The following PDE11A variants were observed in gnomAD, a reference collection of about 807,000 sequenced individuals.
PDE11A encodes dual 3',5'-cyclic-AMP and -GMP phosphodiesterase 11A.
In PDE11A, 100 loss-of-function variants were observed where a neutral mutation model predicts 100.5. The ratio of observed to expected loss-of-function variants is 1.00; its 90% CI spans 0.85 to 1.18. PDE11A has a LOEUF of 1.18. PDE11A is among the 50% of genes most tolerant of loss of function. PDE11A has a pLI of 0.00. For synonymous variants in PDE11A, 381 were observed against 420.8 expected (o/e 0.91, Z 1.16); for missense variants, 1,141 against 1,152.6 (o/e 0.99, Z 0.15).
chr2:177,756,282 G>A (rs893374732), intron 10 of PDE11A, among the ~76,000 whole-genome samples: 5 of 152,176 alleles, frequency 3.3e-5, no homozygotes, highest in African/African-American at 1.2e-4. Flanking sequence ...GAGAACCGGA[G>A]TAAAGCTGTT....
Position 177,820,254 on chromosome 2 carries a change from A to T in PDE11A, c.1542T>A (p.Cys514Ter). 3.1e-6 allele frequency: 5 copies of T among 1,593,268 alleles called. No individual in the cohort carries two copies. The highest frequency in any genetic ancestry group is 4.3e-6 in the Non-Finnish European group (5 of 1,161,364). ...ISGFHIRSVL[C>*]VPIWNSNHQI... ...GGTGGTTGCTATTCCAAATAGGGAC[A>T]CAAAGAACAGATCTTATGTGAAAAC... is the stretch of plus-strand genomic sequence containing the variant. The change falls in exon 7 of 20, where the codon TGT (cysteine) becomes TGA (stop). Residue 514 changes from cysteine (C) to a stop codon, truncating the protein, a stop_gained. Transcript: ENST00000286063. LOFTEE classifies it high-confidence loss of function.
chr2:177,987,575 G>T (rs1188784991), intron 2 of PDE11A, among the ~76,000 whole-genome samples: 3 of 152,132 alleles, frequency 2.0e-5, no homozygotes, highest in Non-Finnish European at 4.4e-5. Context: ...ATCCCTGCAG[G>T]AGTATCTTTT....
chr2:177,634,590 G>C (rs1423367626), intron 19 of PDE11A, among the ~76,000 whole-genome samples: 1 of 151,892 alleles, frequency 6.6e-6, no homozygotes, highest in African/African-American at 2.4e-5. Flanking sequence ...GGGTTTCACC[G>C]TGTTAGCCAG....
chr2:177,668,044 C>T (rs1021102083), intron 18 of PDE11A, among the ~76,000 whole-genome samples: 6 of 152,204 alleles, frequency 3.9e-5, no homozygotes, highest in Non-Finnish European at 8.8e-5. Flanking sequence ...CAGGCCTCCC[C>T]TGAGGAGATG....
chr2:177,633,515 C>T (rs1263476113), intron 19 of PDE11A, among the ~76,000 whole-genome samples: 2 of 152,210 alleles, frequency 1.3e-5, no homozygotes, highest in Non-Finnish European at 2.9e-5. Context: ...TATGTTCTGT[C>T]TCTCTCTTAA....
At chr2:177,940,190 A>T (rs1358737378) in intron 2 of PDE11A, among the ~76,000 whole-genome samples, 1 of 152,176 alleles carries the variant, frequency 6.6e-6, no homozygotes, top group African/African-American at 2.4e-5. Flanking sequence ...TATTTTATCT[A>T]ATCTGCACAG....
At chr2:178,078,180 T>C (rs1242262173) in intron 2 of PDE11A, among the ~76,000 whole-genome samples, 1 of 151,888 alleles carries the variant, frequency 6.6e-6, no homozygotes, top group Non-Finnish European at 1.5e-5. Flanking sequence ...TCTTCTCCCC[T>C]TCCCTGACTC....
At chr2:177,927,279 T>G (rs1216190159) in intron 2 of PDE11A, among the ~76,000 whole-genome samples, 1 of 152,246 alleles carries the variant, frequency 6.6e-6, no homozygotes, top group Non-Finnish European at 1.5e-5. Flanking sequence ...TCTTGGTTAT[T>G]TAGCATTAAA....
rs2079840607 is a variant in PDE11A at position 177,626,894 on chromosome 2, T to G, written c.*2513A>C. The G allele has an allele frequency of 8.2e-6, 1 of 121,898 alleles. No homozygotes were observed. 7.6% of individuals were successfully genotyped at this position (121,898 alleles called of 1,614,324 possible). On this transcript the variant is annotated 3_prime_UTR_variant, in exon 20 of 20. Transcript: ENST00000286063. ...CCATTTTTCTTTGTTTGGATTGACTTTCACCTTTTTTTTTTTTTTTTCATT... is the reference window on the plus strand; with the variant it reads ...CCATTTTTCTTTGTTTGGATTGACTGTCACCTTTTTTTTTTTTTTTTCATT...
chr2:177,847,998 G>A (rs1309829119), intron 5 of PDE11A, among the ~76,000 whole-genome samples: 1 of 152,120 alleles, frequency 6.6e-6, no homozygotes, highest in African/African-American at 2.4e-5. Context: ...GTTTGTGTGT[G>A]TGTGTGTGTG....
Position 177,820,258 on chromosome 2 carries a change from A to G in PDE11A, c.1538T>C (p.Leu513Pro). The G allele has an allele frequency of 6.3e-7, 1 of 1,595,150 alleles. No individual in the cohort carries two copies. Among genetic ancestry groups the G allele is most frequent in the Non-Finnish European group, 8.6e-7 (1 of 1,163,128 alleles). The change falls in exon 7 of 20, where the codon CTT becomes CCT. Residue 513 changes from leucine to proline, a missense_variant. Physicochemically the swap from Leu to Pro is moderately conservative, Grantham distance 98. Coordinates refer to ENST00000286063, the MANE Select transcript of PDE11A (RefSeq NM_016953.4). ...GTTGCTATTCCAAATAGGGACACAAAGAACAGATCTTATGTGAAAACCAGA... is the reference window on the plus strand; with the variant it reads ...GTTGCTATTCCAAATAGGGACACAAGGAACAGATCTTATGTGAAAACCAGA... ...QISGFHIRSV[L>P]CVPIWNSNHQ...
At chr2:177,932,832 T>TAA (rs58921185) in intron 2 of PDE11A, among the ~76,000 whole-genome samples, 384 of 140,448 alleles carry the variant, frequency 2.7e-3, no homozygotes, top group Non-Finnish European at 4.3e-3. Context: ...AGGCAAGAGT[T>TAA]AAAAAAAAAA....
chr2:177,830,765 T>C (rs890217199), intron 6 of PDE11A, among the ~76,000 whole-genome samples: 1 of 151,844 alleles, frequency 6.6e-6, no homozygotes, highest in Non-Finnish European at 1.5e-5. Context: ...CCTGTTCCCA[T>C]GGAGCAGATG....
At chr2:177,679,686 G>A (rs2080831476) in intron 16 of PDE11A, among the ~76,000 whole-genome samples, 1 of 152,104 alleles carries the variant, frequency 6.6e-6, no homozygotes, top group African/African-American at 2.4e-5. Flanking sequence ...AACTATGATG[G>A]GGTCTGGAGA....
At chr2:177,643,352 G>T (rs755412372) in intron 19 of PDE11A, among the ~76,000 whole-genome samples, 1 of 152,206 alleles carries the variant, frequency 6.6e-6, no homozygotes, top group Non-Finnish European at 1.5e-5. Context: ...AGATGGAGAT[G>T]AGGAACTTGT....
intron 9 of PDE11A, among the ~76,000 whole-genome samples, chr2:177,782,109 A>G (rs1038489281): frequency 6.6e-6 from 1 of 152,230 alleles, no homozygotes; most frequent in East Asian, 1.9e-4. Flanking sequence ...CAACACTGAC[A>G]TTCATTTGGC....
chr2:177,926,442 C>A (rs1443945661), intron 2 of PDE11A, among the ~76,000 whole-genome samples: 1 of 152,172 alleles, frequency 6.6e-6, no homozygotes, highest in East Asian at 1.9e-4. Flanking sequence ...CACTGGTTCA[C>A]TGATACATAA....
rs781060466 is a variant in PDE11A at position 178,072,070 on chromosome 2, T to C, written c.368A>G (p.Lys123Arg). ...QRRASQKELR[K>R]SFARSKAIHV... ...GATGGCCTTGGAGCGGGCAAAACTC[T>C]TCCTTAGCTCTTTCTGAGAAGCTCT... is the stretch of plus-strand genomic sequence containing the variant. Residue 123 changes from lysine (K) to arginine (R), a missense_variant, in exon 1 of 20, where the codon AAG (lysine) becomes AGG (arginine). Transcript: ENST00000286063. The C allele has an allele frequency of 4.3e-6, 7 of 1,613,986 alleles. No individual in the cohort carries two copies.
rs549323950 is a variant in PDE11A at position 177,790,766 on chromosome 2, G to T, written c.1738-21393C>A. ...ACACTTCTCAAAAGACATTTATGCAGCCAAAAGACGCATGAAAAAATGCTC... is the reference window on the plus strand; with the variant it reads ...ACACTTCTCAAAAGACATTTATGCATCCAAAAGACGCATGAAAAAATGCTC... On this transcript the variant is annotated intron_variant, in intron 9 of 19. Coordinates refer to ENST00000286063, the MANE Select transcript of PDE11A (RefSeq NM_016953.4). 7.9e-4 allele frequency among the ~76,000 whole-genome samples: 121 copies of T among 152,328 alleles called. 2 individuals are homozygous for T. Among genetic ancestry groups the T allele is most frequent in the African/African-American group, 2.9e-3 (121 of 41,552 alleles).
Sources: gnomAD v4.1 joint callset for allele counts (sites outside exome capture counted in the v4.1 genomes callset) on GRCh38, gnomAD v4.1.1 for gene constraint, MANE v1.5 for transcripts, NCBI Gene and HGNC (gene_info 2026-07-23, HGNC 2026-07-21) for gene names.